The following PCDHA8 variants were observed in gnomAD, a reference collection of about 807,000 sequenced individuals.
The protein encoded by PCDHA8 is protocadherin alpha 8.
Under a neutral mutation model 61.8 loss-of-function variants are expected in PCDHA8, and 53 were observed. The ratio of observed to expected loss-of-function variants is 0.86; its 90% CI spans 0.69 to 1.08. PCDHA8 has a LOEUF of 1.08. PCDHA8 is among the 50% of genes least tolerant of loss of function. PCDHA8 has a pLI of 0.00. For synonymous variants in PCDHA8, 618 were observed against 556.6 expected (o/e 1.11, Z -1.55); for missense variants, 1,293 against 1,245.0 (o/e 1.04, Z -0.58).
chr5:140,932,750 GGAAA>G (rs1554209054), intron 1 of PCDHA8, among the ~76,000 whole-genome samples: 1 of 151,518 alleles, frequency 6.6e-6, no homozygotes, highest in Non-Finnish European at 1.5e-5. Flanking sequence ...TCAGTAAAAA[GGAAA>G]GAAAAAGAAC....
intron 1 of PCDHA8, chr5:140,869,685 T>G: frequency 6.2e-7 from 1 of 1,613,500 alleles, no homozygotes; most frequent in Non-Finnish European, 8.5e-7. Flanking sequence ...GACTGTCACT[T>G]ATTTTAAAGA....
intron 1 of PCDHA8, chr5:140,859,027 C>T (rs1486669007): frequency 6.6e-6 from 1 of 150,752 alleles, no homozygotes; most frequent in Non-Finnish European, 1.5e-5. Context: ...AAGTTAAATG[C>T]TTTGAACTTT....
intron 1 of PCDHA8, chr5:140,876,201 T>C: frequency 1.9e-6 from 3 of 1,613,952 alleles, no homozygotes; most frequent in Non-Finnish European, 1.7e-6. Flanking sequence ...CGGCGTTTGA[T>C]AAGCCCAGCT....
intron 1 of PCDHA8, among the ~76,000 whole-genome samples, chr5:140,874,815 A>T (rs2055116009): frequency 6.6e-6 from 1 of 152,262 alleles, no homozygotes; most frequent in Non-Finnish European, 1.5e-5. Context: ...AAGACAATTT[A>T]TATAAATGAA....
intron 1 of PCDHA8, among the ~76,000 whole-genome samples, chr5:140,846,373 C>CTTTTTTTTTT (rs374699051): frequency 3.6e-5 from 2 of 55,152 alleles, no homozygotes; most frequent in South Asian, 1.0e-3. Flanking sequence ...TTCTTTCTTT[C>CTTTTTTTTTT]TTTTTTTTTT....
intron 1 of PCDHA8, among the ~76,000 whole-genome samples, chr5:140,955,070 G>A (rs755676357): frequency 2.2e-4 from 34 of 152,166 alleles, no homozygotes; most frequent in Non-Finnish European, 4.1e-4. Context: ...GTTTGTTGAA[G>A]ATCAGATGGT....
intron 3 of PCDHA8, among the ~76,000 whole-genome samples, chr5:140,985,897 T>G (rs1037239723): frequency 1.3e-5 from 2 of 151,648 alleles, no homozygotes; most frequent in Non-Finnish European, 2.9e-5. Context: ...CCGCCACCAC[T>G]CCCGTCTAAT....
intron 1 of PCDHA8, chr5:140,882,794 G>C: frequency 6.2e-7 from 1 of 1,614,188 alleles, no homozygotes; most frequent in Non-Finnish European, 8.5e-7. Context: ...GGATCCCAAC[G>C]ATTATTTCAC....
At position 140,978,933 on chromosome 5, in the gene PCDHA8, C is replaced by CT. The variant is rs1179085898; in HGVS notation, c.2395-13dup. The stretch of plus-strand genomic sequence containing the variant: ...TCTTGTCATTTTAACAGAAAACTCT[C>CT]TTTGTGATTTTGCAGCCACGACAGC... On this transcript the variant is annotated splice_polypyrimidine_tract_variant and intron_variant, in intron 1 of 3. Coordinates refer to ENST00000531613, the MANE Select transcript of PCDHA8 (RefSeq NM_018911.3). 8 of 1,613,976 alleles carry CT rather than the reference C, an allele frequency of 5.0e-6. No homozygotes were observed. The highest frequency in any genetic ancestry group is 1.7e-5 in the Admixed American group (1 of 59,984).
intron 1 of PCDHA8, among the ~76,000 whole-genome samples, chr5:140,889,697 A>G (rs920897018): frequency 4.6e-5 from 7 of 152,294 alleles, no homozygotes; most frequent in Middle Eastern, 3.4e-3. Flanking sequence ...TATTATGGGC[A>G]TATTCCACAA....
chr5:140,877,789 A>C, intron 1 of PCDHA8: 1 of 1,614,072 alleles, frequency 6.2e-7, no homozygotes, highest in Non-Finnish European at 8.5e-7. Flanking sequence ...CATGGCCTTC[A>C]GCCCAAGCCT....
chr5:140,978,704 G>A (rs1250477330), intron 1 of PCDHA8, among the ~76,000 whole-genome samples: 1 of 152,242 alleles, frequency 6.6e-6, no homozygotes, highest in African/African-American at 2.4e-5. Flanking sequence ...GCCAAAGGTG[G>A]CCTTTACAAG....
intron 1 of PCDHA8, chr5:140,860,892 C>A (rs1554153919): frequency 6.6e-6 from 1 of 152,368 alleles, no homozygotes; most frequent in Non-Finnish European, 1.5e-5. Flanking sequence ...TGCCCGCCAA[C>A]ACGCCAGGCT....
chr5:140,886,827 GAA>G (rs782016620), intron 1 of PCDHA8, among the ~76,000 whole-genome samples: 14 of 60,910 alleles, frequency 2.3e-4, no homozygotes, highest in Non-Finnish European at 3.3e-4. Context: ...ACTTCGTCTT[GAA>G]AAAAAAAAAA....
intron 1 of PCDHA8, among the ~76,000 whole-genome samples, chr5:140,908,325 T>C (rs189387427): frequency 6.6e-6 from 1 of 152,172 alleles, no homozygotes; most frequent in African/African-American, 2.4e-5. Flanking sequence ...GTGGAGACCA[T>C]GGGAATTTGA....
intron 1 of PCDHA8, chr5:140,876,086 C>T (rs371336139): frequency 2.5e-6 from 4 of 1,613,778 alleles, no homozygotes; most frequent in East Asian, 2.2e-5. Flanking sequence ...AGAGAGCAAA[C>T]GCCAAAACTC....
intron 1 of PCDHA8, among the ~76,000 whole-genome samples, chr5:140,918,591 A>G (rs1554198702): frequency 6.6e-6 from 1 of 152,238 alleles, no homozygotes; most frequent in African/African-American, 2.4e-5. Context: ...TATATGTTCT[A>G]TAGATGTTGC....
intron 1 of PCDHA8, among the ~76,000 whole-genome samples, chr5:140,925,394 C>T (rs782536310): frequency 1.3e-5 from 2 of 151,950 alleles, no homozygotes; most frequent in East Asian, 1.9e-4. Context: ...CCTTTTGGCT[C>T]GCCTCCTTCT....
At chr5:140,997,702 T>C (rs548432387) in intron 3 of PCDHA8, among the ~76,000 whole-genome samples, 1 of 150,740 alleles carries the variant, frequency 6.6e-6, no homozygotes, top group Non-Finnish European at 1.5e-5. Context: ...GTGTGTATGT[T>C]AACAAACACC....
Sources: allele counts gnomAD v4.1 joint callset (sites outside exome capture counted in the v4.1 genomes callset), GRCh38; gene constraint gnomAD v4.1.1; transcripts MANE v1.5; gene names NCBI Gene and HGNC (gene_info 2026-07-23, HGNC 2026-07-21).